IL31RA: variants seen among roughly 807,000 people sequenced by gnomAD.
IL31RA encodes the protein interleukin-31 receptor subunit alpha.
In IL31RA, 66 loss-of-function variants were observed where a neutral mutation model predicts 83.7. The ratio of observed to expected loss-of-function variants is 0.79; its 90% confidence interval spans 0.65 to 0.97. The LOEUF (loss-of-function observed/expected upper bound fraction) is 0.97, where lower values mean the gene tolerates loss of function less well. IL31RA is among the 50% of genes least tolerant of loss of function. IL31RA has a pLI of 0.00. For synonymous variants in IL31RA, 325 were observed against 329.0 expected (o/e 0.99, Z 0.13); for missense variants, 798 against 919.4 (o/e 0.87, Z 1.71).
intron 7 of IL31RA, 82 bp from the exon 8 acceptor site, chr5:55,899,834 C>G: frequency 1.1e-6 from 1 of 934,424 alleles, no homozygotes; most frequent in Non-Finnish European, 1.7e-6. Context: ...ATTCCCCACC[C>G]TCACCCCCAC....
chr5:55,891,814 C>T (rs923698461), intron 6 of IL31RA, among the ~76,000 whole-genome samples: 27 of 103,766 alleles, frequency 2.6e-4, no homozygotes, highest in South Asian at 1.0e-3. Context: ...CTCGCTTTGT[C>T]GCCCAGGCTG....
chr5:55,920,389 C>A lies in IL31RA; in HGVS notation c.*3269C>A, dbSNP rs144627343. Reference sequence around the variant, plus strand: ...GGCCCTGTTTTTGTAGGTTCATGAACTAAAAGCTATAATGACCTATTTAAT... The same window carrying A: ...GGCCCTGTTTTTGTAGGTTCATGAAATAAAAGCTATAATGACCTATTTAAT... On this transcript the variant is annotated 3_prime_UTR_variant, in exon 15 of 15. Coordinates refer to ENST00000652347, the MANE Select transcript of IL31RA (RefSeq NM_139017.7). 5.0e-3 allele frequency among the ~76,000 whole-genome samples: 766 copies of A among 152,348 alleles called. 10 individuals carry two copies. The highest frequency in any genetic ancestry group is 0.018 in the African/African-American group (741 of 41,588).
chr5:55,888,134 T>C (rs1373861870), intron 5 of IL31RA, among the ~76,000 whole-genome samples: 1 of 151,776 alleles, frequency 6.6e-6, no homozygotes, highest in Non-Finnish European at 1.5e-5. Context: ...ACACTTTGGG[T>C]GAGTTAGGAT....
At chr5:55,843,493 T>C in the IL31RA span, among the ~76,000 whole-genome samples, 1 of 152,226 alleles carries the variant, frequency 6.6e-6, no homozygotes. Context: ...TCTGCAGCTA[T>C]GAATTTTGAG....
chr5:55,896,865 G>A (rs972504166), intron 7 of IL31RA, among the ~76,000 whole-genome samples: 3 of 86,038 alleles, frequency 3.5e-5, no homozygotes, highest in African/African-American at 1.3e-4. Flanking sequence ...CACCCAGGCT[G>A]GAGTGCAGTA....
At position 55,917,428 on chromosome 5, in the gene IL31RA, C is replaced by T; in HGVS notation, c.*308C>T. On this transcript the variant is annotated 3_prime_UTR_variant, in exon 15 of 15. Coordinates refer to ENST00000652347, the MANE Select transcript of IL31RA (RefSeq NM_139017.7). ...GAAGGAAGGGCCCAGGTTCTGAGCC[C>T]AAAGGACCCCCAGGGTGGACATATC... 1.1e-6 allele frequency: 1 copy of T among 881,412 alleles called. No homozygotes were observed. The highest frequency in any genetic ancestry group is 2.0e-5 in the South Asian group (1 of 49,106). The allele number at this position is 881,412 out of a possible 1,614,324, so 54.6% of individuals were successfully genotyped here.
intron 3 of IL31RA, among the ~76,000 whole-genome samples, chr5:55,869,481 A>C (rs897202444): frequency 6.6e-6 from 1 of 152,086 alleles, no homozygotes; most frequent in African/African-American, 2.4e-5. Context: ...GTTAAAAAAA[A>C]ACTTTTTTTT....
chr5:55,855,560 G>A (rs1185197902), intron 1 of IL31RA, among the ~76,000 whole-genome samples: 3 of 152,142 alleles, frequency 2.0e-5, no homozygotes, highest in Non-Finnish European at 2.9e-5. Context: ...ATGAAGCTCA[G>A]CACCCAGGAC....
chr5:55,918,210 C>A lies in IL31RA; in HGVS notation c.*1090C>A, dbSNP rs1032558905. 6.6e-6 allele frequency among the ~76,000 whole-genome samples: 1 copy of A among 152,076 alleles called. No individual in the cohort carries two copies. Among genetic ancestry groups the A allele is most frequent in the African/African-American group, 2.4e-5 (1 of 41,392 alleles). ...GACTCCCTTGACCTTTGTGGGAGGC[C>A]ACTAGGAGGCTGGTGAGATCAGGGC... On this transcript the variant is annotated 3_prime_UTR_variant, in exon 15 of 15. Transcript: ENST00000652347.
the IL31RA span, among the ~76,000 whole-genome samples, chr5:55,842,898 C>T: frequency 4.6e-5 from 7 of 152,170 alleles, no homozygotes; most frequent in Admixed American, 2.0e-4. Flanking sequence ...CAGCCAGTTT[C>T]GTCTGGGATT....
intron 8 of IL31RA, 112 bp downstream of exon 8, chr5:55,900,244 G>A (rs769115635): frequency 4.1e-4 from 328 of 801,552 alleles, no homozygotes; most frequent in Middle Eastern, 6.5e-4. Flanking sequence ...TGAAAATGGA[G>A]TGGGAACCTT....
chr5:55,851,322 G>C, upstream of IL31RA: 1 of 578,546 alleles, frequency 1.7e-6, no homozygotes, highest in Admixed American at 2.9e-5. Context: ...TGCCTGAATA[G>C]AGCTTATTTA....
intron 9 of IL31RA, among the ~76,000 whole-genome samples, 179 bp from the exon 10 acceptor site, chr5:55,907,180 A>G (rs1749206059): frequency 6.6e-6 from 1 of 152,248 alleles, no homozygotes; most frequent in South Asian, 2.1e-4. Flanking sequence ...TTAGTTAGAA[A>G]ATCTGAGAAA....
chr5:55,855,593 TG>T (rs1262023225), intron 1 of IL31RA, among the ~76,000 whole-genome samples: 1 of 152,144 alleles, frequency 6.6e-6, no homozygotes, highest in African/African-American at 2.4e-5. Flanking sequence ...GGGAGCTGAA[TG>T]GCCAAAGAGC....
rs1241065538 is a variant in IL31RA at position 55,922,634 on chromosome 5, G to A, written c.*5514G>A. 1.9e-6 allele frequency: 1 copy of A among 538,306 alleles called. No individual in the cohort carries two copies. The highest frequency in any genetic ancestry group is 3.1e-5 in the South Asian group (1 of 32,568). 33.3% of individuals were successfully genotyped at this position (538,306 alleles called of 1,614,324 possible). On this transcript the variant is annotated 3_prime_UTR_variant, in exon 15 of 15. Coordinates refer to ENST00000652347, the MANE Select transcript of IL31RA (RefSeq NM_139017.7). ...CATGAGAAGTCTGTTATTAAGTAGA[G>A]TGTGAAAACATGGTTATGGTAATAG...
intron 4 of IL31RA, among the ~76,000 whole-genome samples, chr5:55,876,135 C>T (rs548473855): frequency 2.0e-5 from 3 of 152,168 alleles, no homozygotes; most frequent in Non-Finnish European, 4.4e-5. Context: ...TGGGCTGGCG[C>T]GGTGGCTCAT....
upstream of IL31RA, among the ~76,000 whole-genome samples, chr5:55,850,740 C>T (rs910296553): frequency 3.9e-5 from 6 of 152,184 alleles, no homozygotes; most frequent in African/African-American, 1.4e-4. Flanking sequence ...AGTCAATTCT[C>T]ATTATTCCTT....
At chr5:55,843,211 A>G in the IL31RA span, among the ~76,000 whole-genome samples, 4 of 152,322 alleles carry the variant, frequency 2.6e-5, no homozygotes, top group East Asian at 1.9e-4. Flanking sequence ...TTCTTTTGCA[A>G]TCTTGTCACA....
chr5:55,878,680 G>A (rs1342397416), intron 4 of IL31RA, among the ~76,000 whole-genome samples: 12 of 151,968 alleles, frequency 7.9e-5, no homozygotes, highest in Non-Finnish European at 5.9e-5. Flanking sequence ...TTGAGACAGG[G>A]TCTGGCTCTG....
Sources: gnomAD v4.1 joint callset for allele counts (sites outside exome capture counted in the v4.1 genomes callset) on GRCh38, gnomAD v4.1.1 for gene constraint, MANE v1.5 for transcripts, NCBI Gene and HGNC (gene_info 2026-07-23, HGNC 2026-07-21) for gene names.